CCDC7: variants seen among roughly 807,000 people sequenced by gnomAD.
The protein encoded by CCDC7 is coiled-coil domain-containing protein 7.
Under a neutral mutation model 196.9 loss-of-function variants are expected in CCDC7, and 183 were observed. That is an observed-to-expected ratio of 0.93 (90% CI 0.82 to 1.05). The LOEUF is 1.05. CCDC7 is among the 50% of genes least tolerant of loss of function. The probability of loss-of-function intolerance (pLI) is 0.00; values close to 1 mark genes in which losing one functional copy is unlikely to be tolerated. For missense variants in CCDC7, 1,540 were observed against 1,482.2 expected (o/e 1.04, Z -0.64); for synonymous variants, 525 against 484.6 (o/e 1.08, Z -1.10).
chr10:32,651,043 T>C (rs1427617568), intron 20 of CCDC7, among the ~76,000 whole-genome samples: 1 of 151,660 alleles, frequency 6.6e-6, no homozygotes, highest in African/African-American at 2.4e-5. Context: ...GCCCTGGGAG[T>C]GGATGCTTAT....
At chr10:32,516,257 A>T (rs1564521737) in intron 9 of CCDC7, among the ~76,000 whole-genome samples, 2 of 152,140 alleles carry the variant, frequency 1.3e-5, no homozygotes, top group Non-Finnish European at 2.9e-5. Flanking sequence ...TAAGCACATG[A>T]AAAGATACTT....
At chr10:32,579,975 AACTT>A (rs1326150201) in intron 16 of CCDC7, among the ~76,000 whole-genome samples, 1 of 151,936 alleles carries the variant, frequency 6.6e-6, no homozygotes, top group Non-Finnish European at 1.5e-5. Flanking sequence ...TATTGAGAAA[AACTT>A]ACAAGCAGAA....
At chr10:32,568,779 A>G (rs1278277476) in intron 15 of CCDC7, among the ~76,000 whole-genome samples, 1 of 152,192 alleles carries the variant, frequency 6.6e-6, no homozygotes. Context: ...GCTAGCTATT[A>G]GCACCTCCAT....
chr10:32,584,345 T>A, intron 18 of CCDC7, 41 bp downstream of exon 19: 2 of 1,251,148 alleles, frequency 1.6e-6, no homozygotes, highest in Non-Finnish European at 2.3e-6. Context: ...TGTGATTGAA[T>A]GATTATGTGT....
intron 28 of CCDC7, among the ~76,000 whole-genome samples, chr10:32,774,218 G>A (rs2079600865): frequency 6.6e-6 from 1 of 151,994 alleles, no homozygotes; most frequent in African/African-American, 2.4e-5. Flanking sequence ...ACTCAATGTG[G>A]TATCTTCACT....
chr10:32,707,013 A>G (rs950063405), intron 24 of CCDC7, among the ~76,000 whole-genome samples: 3 of 152,194 alleles, frequency 2.0e-5, no homozygotes, highest in African/African-American at 7.2e-5. Flanking sequence ...CAGAGACACA[A>G]CAAAAGAAGA....
At chr10:32,777,329 C>A (rs926492305) in intron 28 of CCDC7, among the ~76,000 whole-genome samples, 18 of 152,186 alleles carry the variant, frequency 1.2e-4, no homozygotes, top group Non-Finnish European at 1.5e-5. Flanking sequence ...ATGAATGGCA[C>A]TGTGGTGAAC....
intron 31 of CCDC7, among the ~76,000 whole-genome samples, chr10:32,817,482 G>C (rs2088990015): frequency 6.6e-6 from 1 of 152,128 alleles, no homozygotes; most frequent in Non-Finnish European, 1.5e-5. Context: ...AGGAAATACA[G>C]AGAAAGCCAC....
intron 18 of CCDC7, among the ~76,000 whole-genome samples, chr10:32,630,249 C>CT (rs1472989244): frequency 1.3e-5 from 2 of 151,966 alleles, no homozygotes; most frequent in African/African-American, 4.8e-5. Context: ...GTGCCAAGCC[C>CT]TATGGCATAG....
intron 21 of CCDC7, chr10:32,675,537 A>T (rs1174041564): frequency 6.6e-6 from 1 of 152,252 alleles, no homozygotes; most frequent in Non-Finnish European, 1.5e-5. Flanking sequence ...TAGAGTTAAA[A>T]TGATTCATGT....
intron 3 of CCDC7, among the ~76,000 whole-genome samples, chr10:32,460,788 A>C (rs932754814): frequency 6.6e-6 from 1 of 152,174 alleles, no homozygotes; most frequent in Non-Finnish European, 1.5e-5. Flanking sequence ...AATCACCTGC[A>C]GGTCTAGTTA....
intron 18 of CCDC7, among the ~76,000 whole-genome samples, chr10:32,608,332 ATT>A (rs998525282): frequency 4.6e-5 from 7 of 151,388 alleles, no homozygotes; most frequent in African/African-American, 1.7e-4. Flanking sequence ...TCTTCTACAA[ATT>A]TTTGGTTTGG....
chr10:32,745,931 G>C (rs997860509), intron 28 of CCDC7, among the ~76,000 whole-genome samples: 2 of 152,158 alleles, frequency 1.3e-5, no homozygotes, highest in Admixed American at 1.3e-4. Flanking sequence ...TATGTATTTT[G>C]TCAGCTTTAT....
At chr10:32,794,303 TTTC>T (rs1321309207) in intron 29 of CCDC7, among the ~76,000 whole-genome samples, 1 of 152,248 alleles carries the variant, frequency 6.6e-6, no homozygotes, top group East Asian at 1.9e-4. Flanking sequence ...TGTACCATAT[TTTC>T]TTTATCCAGT....
chr10:32,851,834 A>C, exon 40 of CCDC7: 1 of 1,612,644 alleles, frequency 6.2e-7, no homozygotes, highest in East Asian at 2.2e-5. Flanking sequence ...TCTTCACCCT[A>C]TGTGACTGCA....
intron 29 of CCDC7, 63 bp downstream of exon 30, chr10:32,779,147 G>A (rs555492460): frequency 6.5e-5 from 79 of 1,212,646 alleles, no homozygotes; most frequent in Admixed American, 2.8e-5. Context: ...TATTTCAACT[G>A]TATAGTTCTG....
At chr10:32,506,387 G>A (rs1448903828) in intron 9 of CCDC7, among the ~76,000 whole-genome samples, 1 of 152,140 alleles carries the variant, frequency 6.6e-6, no homozygotes, top group Non-Finnish European at 1.5e-5. Context: ...GCCGGGCAGA[G>A]GGGCTCCTCA....
At chr10:32,563,334 A>G (rs977575332) in intron 13 of CCDC7, among the ~76,000 whole-genome samples, 2 of 152,210 alleles carry the variant, frequency 1.3e-5, no homozygotes, top group African/African-American at 2.4e-5. Context: ...AAGAGCCCGC[A>G]TTGCCAAGTC....
At chr10:32,717,171 T>C (rs2081724795) in intron 25 of CCDC7, among the ~76,000 whole-genome samples, 1 of 151,984 alleles carries the variant, frequency 6.6e-6, no homozygotes, top group African/African-American at 2.4e-5. Flanking sequence ...AGAATGGAAA[T>C]CGTAACAATC....
Sources: allele counts gnomAD v4.1 joint callset (sites outside exome capture counted in the v4.1 genomes callset), GRCh38; gene constraint gnomAD v4.1.1; transcripts MANE v1.5; gene names NCBI Gene and HGNC (gene_info 2026-07-23, HGNC 2026-07-21).